RMND1: variants seen among roughly 807,000 people sequenced by gnomAD.
RMND1 encodes the protein required for meiotic nuclear division 1 homolog.
RMND1 carries 41 observed loss-of-function variants against 54.0 expected under a neutral mutation model. The ratio of observed to expected loss-of-function variants is 0.76; its 90% CI spans 0.59 to 0.98. RMND1 has a LOEUF of 0.98. RMND1 is among the 50% of genes least tolerant of loss of function. The pLI is 0.00. For synonymous variants in RMND1, 183 were observed against 181.7 expected (o/e 1.01, Z -0.06); for missense variants, 457 against 532.0 (o/e 0.86, Z 1.39).
intron 1 of RMND1, among the ~76,000 whole-genome samples, chr6:151,449,060 CAAAAAAAA>C (rs71014585): frequency 1.1e-3 from 20 of 18,658 alleles, no homozygotes; most frequent in African/African-American, 5.0e-4. Flanking sequence ...GACTCTGTCT[CAAAAAAAA>C]AAAAAAAAAA....
intron 6 of RMND1, among the ~76,000 whole-genome samples, chr6:151,424,951 C>CT (rs1049763308): frequency 1.3e-4 from 19 of 151,182 alleles, no homozygotes; most frequent in African/African-American, 2.4e-4. Context: ...CACAAGAGGT[C>CT]TTTTTTTTTG....
intron 2 of RMND1, among the ~76,000 whole-genome samples, chr6:151,442,520 T>C (rs1235640993): frequency 6.6e-6 from 1 of 152,078 alleles, no homozygotes; most frequent in East Asian, 1.9e-4. Context: ...CAAGAAGCAC[T>C]GCTATTATTG....
rs1436525145 is a variant in RMND1, at chr6:151,404,849, A to G, written c.*386T>C. 6.4e-6 allele frequency: 1 copy of G among 157,176 alleles called. No homozygotes were observed. The highest frequency in any genetic ancestry group is 1.3e-5 in the Non-Finnish European group (1 of 75,434). The allele number at this position is 157,176 out of a possible 1,614,324, so 9.7% of individuals were successfully genotyped here. On this transcript the variant is annotated 3_prime_UTR_variant, in exon 12 of 12. Coordinates refer to ENST00000444024, the MANE Select transcript of RMND1 (RefSeq NM_017909.4). The stretch of plus-strand genomic sequence containing the variant: ...AAAAACACCTATTAAATGATCACCC[A>G]GTAGTGAACATTTATTTATTTATTT...
At chr6:151,448,410 T>C (rs1345366307) in intron 1 of RMND1, among the ~76,000 whole-genome samples, 1 of 152,060 alleles carries the variant, frequency 6.6e-6, no homozygotes, top group Non-Finnish European at 1.5e-5. Flanking sequence ...CACTCCATGG[T>C]CTACCATTCT....
At position 151,452,072 on chromosome 6, in the gene RMND1, T is replaced by A. The variant is rs1429291705; in HGVS notation, c.-71A>T. ...GGGACGCACGCTTCCTCGGCAGGAC[T>A]GCAGGGAAAGAGCCGCACCCCCAGC... is the stretch of plus-strand genomic sequence containing the variant. On this transcript the variant is annotated 5_prime_UTR_variant, in exon 1 of 12. Transcript: ENST00000444024. The A allele has an allele frequency of 2.4e-5, 4 of 165,646 alleles. No individual in the cohort carries two copies. In the South Asian group the frequency reaches 4.8e-4, roughly 20 times the overall value. The allele number at this position is 165,646 out of a possible 1,614,324, so 10.3% of individuals were successfully genotyped here. A position where few individuals can be genotyped will look rare whatever the true frequency, so the allele number is the denominator to read the frequency against.
intron 10 of RMND1, among the ~76,000 whole-genome samples, chr6:151,406,413 A>G (rs1313223231): frequency 2.6e-5 from 4 of 151,884 alleles, no homozygotes; most frequent in Non-Finnish European, 5.9e-5. Flanking sequence ...CCCAGGCCGG[A>G]GTGTAATGGC....
Position 151,423,518 on chromosome 6 carries a change from A to T in RMND1, c.937+7T>A. 6.4e-7 allele frequency: 1 copy of T among 1,567,340 alleles called. No homozygotes were observed. The highest frequency in any genetic ancestry group is 1.4e-5 in the African/African-American group (1 of 74,010). On this transcript the variant is annotated splice_region_variant and intron_variant, in intron 7 of 11. Coordinates refer to ENST00000444024, the MANE Select transcript of RMND1 (RefSeq NM_017909.4). ...AGTACCCTATCCCATAAGCAGTAGT[A>T]ACTTACCAGAAAGGCATAGAGCATT... is the stretch of plus-strand genomic sequence containing the variant.
At chr6:151,450,280 G>T (rs1781105883) in intron 1 of RMND1, among the ~76,000 whole-genome samples, 1 of 151,828 alleles carries the variant, frequency 6.6e-6, no homozygotes, top group African/African-American at 2.4e-5. Context: ...GGGATGTGAG[G>T]AGCGCCTCTG....
chr6:151,445,821 C>A lies in RMND1; in HGVS notation c.-10G>T. 1 of 1,570,814 alleles carries A rather than the reference C, an allele frequency of 6.4e-7. No homozygotes were observed. Among genetic ancestry groups the A allele is most frequent in the Non-Finnish European group, 8.6e-7 (1 of 1,159,930 alleles). ...GGAGTGTGGCTGGCATTACCACATC[C>A]CAAGCTAAAAGAAAAGGAATTCAAA... On this transcript the variant is annotated 5_prime_UTR_variant, in exon 2 of 12. Coordinates refer to ENST00000444024, the MANE Select transcript of RMND1 (RefSeq NM_017909.4).
chr6:151,406,568 T>C (rs1407527007), intron 10 of RMND1, among the ~76,000 whole-genome samples: 2 of 152,072 alleles, frequency 1.3e-5, no homozygotes, highest in African/African-American at 4.8e-5. Context: ...GCCAGGATGG[T>C]CTCGATCTCC....
chr6:151,405,259 A>T lies in RMND1; in HGVS notation c.1326T>A (p.Phe442Leu). The T allele has an allele frequency of 6.2e-7, 1 of 1,612,956 alleles. No individual in the cohort carries two copies. The highest frequency in any genetic ancestry group is 2.2e-5 in the East Asian group (1 of 44,832). Residue 442 changes from phenylalanine to leucine, a missense_variant, in exon 12 of 12, where the codon TTT becomes TTA. Physicochemically the swap from Phe to Leu is conservative, Grantham distance 22. Coordinates refer to ENST00000444024, the MANE Select transcript of RMND1 (RefSeq NM_017909.4). ...ATCAGAAAAATACTCGTCCCAGCTCAAACATTACCTTAGAATAGAAAGTGA... is the reference window on the plus strand; with the variant it reads ...ATCAGAAAAATACTCGTCCCAGCTCTAACATTACCTTAGAATAGAAAGTGA... Reference protein sequence around the residue: ...IVILITIEVMFELGRVFF With the variant: ...IVILITIEVMLELGRVFF
intron 2 of RMND1, chr6:151,444,965 T>C (rs2114970595): frequency 1.0e-5 from 2 of 190,476 alleles, no homozygotes; most frequent in African/African-American, 2.3e-5. Context: ...ATGAAGAATT[T>C]CTAGTTTGTT....
chr6:151,429,800 G>A (rs1780403416), intron 5 of RMND1, among the ~76,000 whole-genome samples: 1 of 152,174 alleles, frequency 6.6e-6, no homozygotes, highest in African/African-American at 2.4e-5. Context: ...TAGACAACTT[G>A]ACTTAAAAGA....
intron 3 of RMND1, among the ~76,000 whole-genome samples, chr6:151,434,548 A>G (rs1230581622): frequency 2.0e-5 from 3 of 152,196 alleles, no homozygotes; most frequent in Non-Finnish European, 4.4e-5. Flanking sequence ...CAGACCACAC[A>G]GCTGGCAGCC....
At chr6:151,440,716 A>C (rs1334599974) in intron 2 of RMND1, among the ~76,000 whole-genome samples, 3 of 152,166 alleles carry the variant, frequency 2.0e-5, no homozygotes, top group Non-Finnish European at 4.4e-5. Context: ...TTCTTCTATT[A>C]ATAGATGAAC....
At chr6:151,417,656 G>A (rs1780044065) in intron 9 of RMND1, among the ~76,000 whole-genome samples, 1 of 151,460 alleles carries the variant, frequency 6.6e-6, no homozygotes, top group Admixed American at 6.6e-5. Context: ...GCATGTGGCT[G>A]AAAACATTTG....
chr6:151,425,791 T>C (rs916982300), intron 6 of RMND1, among the ~76,000 whole-genome samples: 1 of 152,134 alleles, frequency 6.6e-6, no homozygotes. Context: ...TTCCCCAGGA[T>C]TAAATGAAAT....
chr6:151,405,084 G>A lies in RMND1; in HGVS notation c.*151C>T. 1 of 612,232 alleles carries A rather than the reference G, an allele frequency of 1.6e-6. No homozygotes were observed. Among genetic ancestry groups the A allele is most frequent in the Non-Finnish European group, 2.8e-6 (1 of 350,980 alleles). 37.9% of individuals were successfully genotyped at this position (612,232 alleles called of 1,614,324 possible). On this transcript the variant is annotated 3_prime_UTR_variant, in exon 12 of 12. Transcript: ENST00000444024. ...GGGTTTCACCATGTTGGCCAGGCTT[G>A]TCTTGAGCTCCTGATCTCATCTCAA...
intron 10 of RMND1, among the ~76,000 whole-genome samples, chr6:151,413,500 A>G (rs1234422202): frequency 6.6e-6 from 1 of 152,196 alleles, no homozygotes; most frequent in South Asian, 2.1e-4. Flanking sequence ...TTGGCCTACC[A>G]AAGTGCTGGG....
Sources: allele counts gnomAD v4.1 joint callset (sites outside exome capture counted in the v4.1 genomes callset), GRCh38; gene constraint gnomAD v4.1.1; transcripts MANE v1.5; gene names NCBI Gene and HGNC (gene_info 2026-07-23, HGNC 2026-07-21).